The following CCSER1 variants were observed in gnomAD, a reference collection of about 807,000 sequenced individuals.
The protein encoded by CCSER1 is coiled-coil serine rich protein 1, also known as serine-rich coiled-coil domain-containing protein 1.
A neutral mutation model predicts 82.0 loss-of-function variants in CCSER1; 41 were observed. The ratio of observed to expected loss-of-function variants is 0.50; its 90% CI spans 0.39 to 0.65. CCSER1 has a LOEUF of 0.65. CCSER1 is among the 30% of genes least tolerant of loss of function. CCSER1 has a pLI of 0.00. For missense variants in CCSER1, 1,119 were observed against 1,064.2 expected (o/e 1.05, Z -0.72); for synonymous variants, 414 against 383.9 (o/e 1.08, Z -0.92).
intron 10 of CCSER1, among the ~76,000 whole-genome samples, chr4:91,425,026 T>A (rs2149387250): frequency 6.6e-6 from 1 of 152,240 alleles, no homozygotes; most frequent in East Asian, 1.9e-4. Context: ...ATGCCTATTT[T>A]TATAAAACTA....
intron 10 of CCSER1, among the ~76,000 whole-genome samples, chr4:91,171,647 A>C (rs574000140): frequency 2.0e-5 from 3 of 151,952 alleles, no homozygotes; most frequent in Non-Finnish European, 4.4e-5. Flanking sequence ...ATTGAGCTCA[A>C]TTTTTCATTC....
rs77115096 is a variant in CCSER1, at chr4:91,556,916, C to A, written c.2218-41656C>A. Among the ~76,000 whole-genome samples, 183 of 151,118 alleles carry A rather than the reference C, an allele frequency of 1.2e-3. 1 individual carries two copies. The highest frequency in any genetic ancestry group is 1.5e-3 in the Non-Finnish European group (100 of 67,502). ...ATATGTCAAAACAACAAAGTCACAG[C>A]CATTTTTTAGAGAGGCCATTTTTTA... On this transcript the variant is annotated intron_variant, in intron 10 of 10. Coordinates refer to ENST00000509176, the MANE Select transcript of CCSER1 (RefSeq NM_001145065.2).
intron 5 of CCSER1, among the ~76,000 whole-genome samples, chr4:90,485,309 C>G (rs1766838729): frequency 6.6e-6 from 1 of 152,226 alleles, no homozygotes; most frequent in South Asian, 2.1e-4. Context: ...AATTCCCTGA[C>G]CCGTTGCACT....
chr4:91,189,245 T>C (rs531550701), intron 10 of CCSER1, among the ~76,000 whole-genome samples: 105 of 152,260 alleles, frequency 6.9e-4, no homozygotes, highest in Non-Finnish European at 1.3e-3. Flanking sequence ...AAAATGTTTA[T>C]GTTTATAACT....
intron 7 of CCSER1, among the ~76,000 whole-genome samples, chr4:90,737,957 C>A (rs1295280788): frequency 2.0e-5 from 3 of 152,154 alleles, no homozygotes; most frequent in Non-Finnish European, 4.4e-5. Flanking sequence ...TTATTTCCAT[C>A]TATTTGTTAA....
At chr4:91,216,183 G>C (rs1206378840) in intron 10 of CCSER1, among the ~76,000 whole-genome samples, 1 of 152,148 alleles carries the variant, frequency 6.6e-6, no homozygotes, top group Admixed American at 6.5e-5. Flanking sequence ...TGGTCAAGAA[G>C]AACCTCCCAT....
intron 5 of CCSER1, among the ~76,000 whole-genome samples, chr4:90,493,254 T>TGGAA (rs1768375359): frequency 6.6e-6 from 1 of 152,250 alleles, no homozygotes; most frequent in East Asian, 1.9e-4. Context: ...CCAAGAAATA[T>TGGAA]GGAACTATGT....
In CCSER1 at chr4:91,349,804, C is replaced by T. The variant is rs556406702; in HGVS notation, c.2218-248768C>T. Among the ~76,000 whole-genome samples the T allele has an allele frequency of 5.3e-5, 8 of 151,732 alleles. 1 individual carries two copies. The highest frequency in any genetic ancestry group is 1.9e-4 in the African/African-American group (8 of 41,098). ...TTGGGGGCCTCGTAAGATTGAGTTCCCCTAGAATTTTTTCCACACTGTGCC... is the reference window on the plus strand; with the variant it reads ...TTGGGGGCCTCGTAAGATTGAGTTCTCCTAGAATTTTTTCCACACTGTGCC... On this transcript the variant is annotated intron_variant, in intron 10 of 10. Transcript: ENST00000509176.
intron 7 of CCSER1, among the ~76,000 whole-genome samples, chr4:90,758,512 T>A (rs1749908611): frequency 1.3e-5 from 2 of 152,304 alleles, no homozygotes; most frequent in South Asian, 2.1e-4. Context: ...ACAAGCAGAT[T>A]AAATTTCTTA....
At position 91,603,581 on chromosome 4, in the gene CCSER1, G is replaced by T. The variant is rs187120580; in HGVS notation, c.*4524G>T. On this transcript the variant is annotated 3_prime_UTR_variant, in exon 11 of 11. Coordinates refer to ENST00000509176, the MANE Select transcript of CCSER1 (RefSeq NM_001145065.2). ...ATGGGATACCACGGTTCTTTTTAGA[G>T]CATTTTCAGTGTAGCCTCATTAACT... The T allele has an allele frequency of 6.6e-6, 1 of 152,052 alleles. No homozygotes were observed. The highest frequency in any genetic ancestry group is 1.5e-5 in the Non-Finnish European group (1 of 67,970). 9.4% of individuals were successfully genotyped at this position (152,052 alleles called of 1,614,324 possible). A position where few individuals can be genotyped will look rare whatever the true frequency, so the allele number is the denominator to read the frequency against.
At chr4:90,250,056 G>A (rs1241031035) in intron 1 of CCSER1, among the ~76,000 whole-genome samples, 1 of 151,820 alleles carries the variant, frequency 6.6e-6, no homozygotes, top group Non-Finnish European at 1.5e-5. Flanking sequence ...CATAAATATC[G>A]ATTTAGATTC....
intron 10 of CCSER1, among the ~76,000 whole-genome samples, chr4:91,568,270 C>G (rs188348023): frequency 5.3e-5 from 8 of 151,998 alleles, no homozygotes; most frequent in South Asian, 4.2e-4. Context: ...TTCTAAGCTG[C>G]CTTTAACATT....
chr4:90,701,706 T>G (rs1443605640), intron 6 of CCSER1, among the ~76,000 whole-genome samples: 1 of 152,218 alleles, frequency 6.6e-6, no homozygotes, highest in Non-Finnish European at 1.5e-5. Flanking sequence ...GTAAGTTGGA[T>G]TCCTAGGTAT....
At chr4:90,524,462 T>TG (rs777107031) in intron 5 of CCSER1, among the ~76,000 whole-genome samples, 2 of 152,140 alleles carry the variant, frequency 1.3e-5, no homozygotes, top group Non-Finnish European at 2.9e-5. Flanking sequence ...GATTGTTTTT[T>TG]TTGTTGTTGT....
At chr4:91,080,712 C>T (rs1041233800) in intron 9 of CCSER1, among the ~76,000 whole-genome samples, 1 of 152,002 alleles carries the variant, frequency 6.6e-6, no homozygotes, top group Non-Finnish European at 1.5e-5. Context: ...CAAATAGATA[C>T]AATAAAAAAT....
chr4:91,189,082 T>C (rs1400920462), intron 10 of CCSER1, among the ~76,000 whole-genome samples: 1 of 152,146 alleles, frequency 6.6e-6, no homozygotes, highest in Non-Finnish European at 1.5e-5. Flanking sequence ...TTTAGACTTA[T>C]AGGTAGGGTT....
chr4:91,201,340 G>A (rs1404633758), intron 10 of CCSER1, among the ~76,000 whole-genome samples: 1 of 151,994 alleles, frequency 6.6e-6, no homozygotes, highest in Non-Finnish European at 1.5e-5. Context: ...CAGTTTCCAT[G>A]AATAAATGAA....
chr4:90,426,325 G>T (rs1200408644), intron 4 of CCSER1, among the ~76,000 whole-genome samples: 4 of 152,168 alleles, frequency 2.6e-5, no homozygotes, highest in African/African-American at 9.7e-5. Flanking sequence ...TGTCCATGAG[G>T]AAGAAAGTAT....
chr4:90,849,842 C>T (rs1174309323), intron 8 of CCSER1, among the ~76,000 whole-genome samples: 1 of 151,262 alleles, frequency 6.6e-6, no homozygotes, highest in Non-Finnish European at 1.5e-5. Flanking sequence ...GAAATTCAAG[C>T]CCTATGCAGA....
Sources: allele counts gnomAD v4.1 joint callset (sites outside exome capture counted in the v4.1 genomes callset), GRCh38; gene constraint gnomAD v4.1.1; transcripts MANE v1.5; gene names NCBI Gene and HGNC (gene_info 2026-07-23, HGNC 2026-07-21).